SPOCK1: variants seen among roughly 807,000 people sequenced by gnomAD.
SPOCK1 encodes SPARC (osteonectin), cwcv and kazal like domains proteoglycan 1, also known as testican-1.
SPOCK1 carries 23 observed loss-of-function variants against 55.3 expected under a neutral mutation model. The ratio of observed to expected loss-of-function variants is 0.42; its 90% CI spans 0.30 to 0.59. The LOEUF is 0.59. Among genes scored for constraint, SPOCK1 ranks in the 20% least tolerant of loss-of-function variants. The pLI is 0.22. For synonymous variants in SPOCK1, 226 were observed against 221.0 expected, an observed-to-expected ratio of 1.02 and a Z score of -0.20; for missense variants, 499 against 552.5, an observed-to-expected ratio of 0.90 and a Z score of 0.97.
chr5:137,381,402 G>T (rs114489894), intron 2 of SPOCK1, among the ~76,000 whole-genome samples: 6 of 152,160 alleles, frequency 3.9e-5, no homozygotes, highest in African/African-American at 1.4e-4. Flanking sequence ...CTGTGTGGGG[G>T]CTTCAACTCT....
At chr5:137,009,658 T>A (rs1430341788) in intron 6 of SPOCK1, among the ~76,000 whole-genome samples, 1 of 152,188 alleles carries the variant, frequency 6.6e-6, no homozygotes, top group Non-Finnish European at 1.5e-5. Flanking sequence ...CACCAATCCA[T>A]CTGTTCTCAT....
chr5:137,301,659 T>TTTGG (rs1757592602), intron 2 of SPOCK1, among the ~76,000 whole-genome samples: 1 of 123,580 alleles, frequency 8.1e-6, no homozygotes, highest in African/African-American at 3.1e-5. Flanking sequence ...TTTTTTTGAG[T>TTTGG]ATGTTCTCAT....
intron 5 of SPOCK1, among the ~76,000 whole-genome samples, chr5:137,075,323 C>T (rs1406002842): frequency 3.9e-5 from 6 of 152,212 alleles, no homozygotes. Flanking sequence ...TCCCCAGTGG[C>T]TTGCCACTCT....
In SPOCK1 at chr5:137,346,738, G is replaced by A. The variant is rs1417832593; in HGVS notation, c.187-79683C>T. ...CAAAAAGGAGTTTGCAGCTCAGAAA[G>A]ACAACTCCTGATAGCACTGTGTGCC... On this transcript the variant is annotated intron_variant, in intron 2 of 10. Transcript: ENST00000394945. Among the ~76,000 whole-genome samples the A allele has an allele frequency of 2.0e-5, 3 of 152,334 alleles. No individual in the cohort carries two copies. In the East Asian group the frequency reaches 5.8e-4, roughly 29 times the overall value.
chr5:137,490,087 T>A (rs1210224300), intron 2 of SPOCK1, among the ~76,000 whole-genome samples: 1 of 152,254 alleles, frequency 6.6e-6, no homozygotes, highest in East Asian at 1.9e-4. Context: ...ACCCGACACC[T>A]AGCAGAGGCC....
chr5:137,033,147 G>A (rs1751815659), intron 6 of SPOCK1, among the ~76,000 whole-genome samples: 1 of 152,164 alleles, frequency 6.6e-6, no homozygotes, highest in African/African-American at 2.4e-5. Flanking sequence ...CAGGGGAGAT[G>A]AACTCCCTCG....
chr5:137,207,461 A>T (rs1225140889), intron 3 of SPOCK1, among the ~76,000 whole-genome samples: 3 of 152,248 alleles, frequency 2.0e-5, no homozygotes, highest in African/African-American at 4.8e-5. Context: ...TTCTAACTGC[A>T]GGAAGAGGTA....
chr5:137,135,174 A>T (rs988635447), intron 4 of SPOCK1, among the ~76,000 whole-genome samples: 1 of 152,212 alleles, frequency 6.6e-6, no homozygotes, highest in Non-Finnish European at 1.5e-5. Context: ...TTCACAATAC[A>T]CTTGCAGAAT....
chr5:137,058,883 G>A (rs1245066932), intron 6 of SPOCK1, among the ~76,000 whole-genome samples: 1 of 152,158 alleles, frequency 6.6e-6, no homozygotes, highest in East Asian at 1.9e-4. Flanking sequence ...GCCTGGAGCT[G>A]AGCACACAAG....
At position 137,445,761 on chromosome 5, in the gene SPOCK1, T is replaced by C. The variant is rs143143730; in HGVS notation, c.186+52612A>G. ...TGGGGTAAAGAGAAGGCAACTGACA[T>C]AGGACTTCAGACATGGTCTGAAGAA... On this transcript the variant is annotated intron_variant, in intron 2 of 10. Coordinates refer to ENST00000394945, the MANE Select transcript of SPOCK1 (RefSeq NM_004598.4). Among the ~76,000 whole-genome samples, 117 of 152,286 alleles carry C rather than the reference T, an allele frequency of 7.7e-4. 1 individual carries two copies. The East Asian group carries it at 0.021, about 28-fold the overall frequency.
At chr5:137,302,579 A>AAAAAT (rs1757620108) in intron 2 of SPOCK1, among the ~76,000 whole-genome samples, 1 of 141,138 alleles carries the variant, frequency 7.1e-6, no homozygotes, top group African/African-American at 2.6e-5. Flanking sequence ...TCCATCTCAA[A>AAAAAT]AAATAAATAA....
intron 2 of SPOCK1, among the ~76,000 whole-genome samples, chr5:137,422,366 A>G (rs1369884449): frequency 2.0e-5 from 3 of 152,270 alleles, no homozygotes; most frequent in South Asian, 2.1e-4. Flanking sequence ...CCTGGATAAT[A>G]CCCTGCAGAG....
intron 2 of SPOCK1, among the ~76,000 whole-genome samples, chr5:137,455,476 T>C (rs1561540357): frequency 6.6e-6 from 1 of 152,176 alleles, no homozygotes; most frequent in Non-Finnish European, 1.5e-5. Flanking sequence ...TAACAGGGTA[T>C]ATGAGAAGAA....
chr5:137,300,939 C>T (rs1302973798), intron 2 of SPOCK1, among the ~76,000 whole-genome samples: 1 of 152,110 alleles, frequency 6.6e-6, no homozygotes, highest in East Asian at 1.9e-4. Context: ...CTCCCAGGTT[C>T]TGGTGGCCAC....
Position 137,087,226 on chromosome 5 carries a change from C to T in SPOCK1, c.475-19397G>A, listed in dbSNP as rs1010381624. On this transcript the variant is annotated intron_variant, in intron 5 of 10. Coordinates refer to ENST00000394945, the MANE Select transcript of SPOCK1 (RefSeq NM_004598.4). ...CAGGGAGGTGTCACTAGGTGGGCTC[C>T]CTTCCTCTCTCAAGGTGAAAGCCAC... is the stretch of plus-strand genomic sequence containing the variant. Among the ~76,000 whole-genome samples the T allele has an allele frequency of 3.3e-5, 5 of 152,274 alleles. No individual in the cohort carries two copies. The South Asian group carries it at 1.0e-3, about 32-fold the overall frequency.
intron 3 of SPOCK1, among the ~76,000 whole-genome samples, chr5:137,203,866 T>C (rs1755472301): frequency 6.6e-6 from 1 of 152,222 alleles, no homozygotes; most frequent in African/African-American, 2.4e-5. Flanking sequence ...ATCAAGCTGA[T>C]TGGAGGACAT....
chr5:137,029,693 C>G (rs1030336358), intron 6 of SPOCK1, among the ~76,000 whole-genome samples: 15 of 152,210 alleles, frequency 9.9e-5, no homozygotes, highest in Non-Finnish European at 2.2e-4. Context: ...TTATTAGCTT[C>G]TACAGAAAGG....
At chr5:137,129,851 C>T (rs1244384419) in intron 4 of SPOCK1, among the ~76,000 whole-genome samples, 2 of 152,176 alleles carry the variant, frequency 1.3e-5, no homozygotes, top group Non-Finnish European at 2.9e-5. Flanking sequence ...TATTGTTTAG[C>T]TACACCTACA....
chr5:137,367,892 C>T (rs966101764), intron 2 of SPOCK1, among the ~76,000 whole-genome samples: 3 of 152,200 alleles, frequency 2.0e-5, no homozygotes, highest in African/African-American at 4.8e-5. Context: ...GGGCTGTAGC[C>T]AAGGCGAGGG....
Sources: allele counts gnomAD v4.1 joint callset (sites outside exome capture counted in the v4.1 genomes callset), GRCh38; gene constraint gnomAD v4.1.1; transcripts MANE v1.5; gene names NCBI Gene and HGNC (gene_info 2026-07-23, HGNC 2026-07-21).